ZEB2: variants seen among roughly 807,000 people sequenced by gnomAD.
ZEB2 encodes the protein zinc finger E-box binding homeobox 2.
ZEB2 carries 6 observed loss-of-function variants against 99.9 expected under a neutral mutation model. That is an observed-to-expected ratio of 0.06 (90% CI 0.03 to 0.12). The LOEUF is 0.12. Among genes scored for constraint, ZEB2 ranks in the 10% least tolerant of loss-of-function variants. ZEB2 has a pLI of 1.00. For missense variants in ZEB2, 969 were observed against 1,502.8 expected (o/e 0.64, Z 5.87); for synonymous variants, 517 against 542.5 (o/e 0.95, Z 0.65).
chr2:144,512,164 T>C (rs1310325830), intron 2 of ZEB2: 32 of 1,287,124 alleles, frequency 2.5e-5, no homozygotes, highest in Non-Finnish European at 3.1e-5. Context: ...ATCAATTGTC[T>C]GTGAGCATTG....
chr2:144,510,705 TC>T (rs1705020882), intron 2 of ZEB2, among the ~76,000 whole-genome samples: 28 of 152,224 alleles, frequency 1.8e-4, no homozygotes, highest in Admixed American at 1.5e-3. Flanking sequence ...TCTCTCTCTC[TC>T]TCTCTCTCTC....
chr2:144,489,270 G>A (rs1704643230), intron 2 of ZEB2, among the ~76,000 whole-genome samples: 2 of 152,266 alleles, frequency 1.3e-5, no homozygotes, highest in Non-Finnish European at 2.9e-5. Flanking sequence ...TAAATACAGT[G>A]GGCACACAAT....
chr2:144,424,610 T>C (rs552965243), intron 4 of ZEB2, among the ~76,000 whole-genome samples, 186 bp downstream of exon 4: 3 of 152,232 alleles, frequency 2.0e-5, no homozygotes, highest in Non-Finnish European at 4.4e-5. Flanking sequence ...GAATGAAAGA[T>C]GTATTTGCTT....
chr2:144,433,002 T>C (rs1703793343), intron 2 of ZEB2, among the ~76,000 whole-genome samples: 1 of 152,178 alleles, frequency 6.6e-6, no homozygotes, highest in African/African-American at 2.4e-5. Context: ...TTCTATTCAG[T>C]CCTTACAGGT....
At chr2:144,460,103 G>T (rs148819847) in intron 2 of ZEB2, among the ~76,000 whole-genome samples, 69 of 152,280 alleles carry the variant, frequency 4.5e-4, no homozygotes, top group African/African-American at 1.6e-3. Context: ...ATGTTATGAT[G>T]ATTTCATTCT....
At chr2:144,433,321 A>G (rs1703797610) in intron 2 of ZEB2, among the ~76,000 whole-genome samples, 1 of 152,206 alleles carries the variant, frequency 6.6e-6, no homozygotes, top group African/African-American at 2.4e-5. Flanking sequence ...AATTCTGTGT[A>G]ACAGTTGCAT....
At chr2:144,392,622 T>C (rs1468876190) in intron 9 of ZEB2, among the ~76,000 whole-genome samples, 2 of 152,248 alleles carry the variant, frequency 1.3e-5, no homozygotes, top group African/African-American at 4.8e-5. Context: ...TACCTTACAC[T>C]AAATAGTCTA....
chr2:144,395,164 T>C (rs2149874938), intron 9 of ZEB2, among the ~76,000 whole-genome samples: 1 of 151,936 alleles, frequency 6.6e-6, no homozygotes, highest in African/African-American at 2.4e-5. Flanking sequence ...TCCAGCTAAT[T>C]TTTAAAAAAT....
At chr2:144,468,702 C>A (rs1355193014) in intron 2 of ZEB2, among the ~76,000 whole-genome samples, 2 of 152,018 alleles carry the variant, frequency 1.3e-5, no homozygotes, top group Non-Finnish European at 2.9e-5. Context: ...AGGGCAAAGA[C>A]CAAATTCTTA....
At chr2:144,430,653 A>C (rs1041495913) in intron 2 of ZEB2, 3 of 170,464 alleles carry the variant, frequency 1.8e-5, no homozygotes, top group Non-Finnish European at 4.3e-5. Context: ...TGGGCCATTA[A>C]TACTACTATT....
chr2:144,410,131 G>A (rs765718583), intron 4 of ZEB2, among the ~76,000 whole-genome samples: 2 of 151,948 alleles, frequency 1.3e-5, no homozygotes, highest in Non-Finnish European at 2.9e-5. Context: ...GGATGGTCTC[G>A]ATCTCCTGAC....
At chr2:144,407,477 GC>G (rs760716681) in intron 4 of ZEB2, among the ~76,000 whole-genome samples, 38 of 152,184 alleles carry the variant, frequency 2.5e-4, no homozygotes, top group Non-Finnish European at 4.7e-4. Context: ...GCATCACTGA[GC>G]CCCTATGGAG....
intron 6 of ZEB2, 75 bp from the exon 7 acceptor site, chr2:144,401,382 G>C: frequency 6.8e-7 from 1 of 1,472,166 alleles, no homozygotes; most frequent in Non-Finnish European, 9.5e-7. Context: ...ATTTTTAAAA[G>C]GCCTCTGTTT....
At chr2:144,470,821 C>T (rs1040898362) in intron 2 of ZEB2, among the ~76,000 whole-genome samples, 1 of 152,168 alleles carries the variant, frequency 6.6e-6, no homozygotes, top group Non-Finnish European at 1.5e-5. Context: ...GACCCCTACA[C>T]TTTTCATTCT....
chr2:144,445,015 C>CA (rs1703964133), intron 2 of ZEB2: 1 of 152,172 alleles, frequency 6.6e-6, no homozygotes, highest in South Asian at 2.1e-4. Flanking sequence ...GCAAGACCAG[C>CA]AATTCTCACC....
intron 4 of ZEB2, among the ~76,000 whole-genome samples, chr2:144,409,771 C>T (rs1278411563): frequency 6.6e-6 from 1 of 152,046 alleles, no homozygotes; most frequent in Non-Finnish European, 1.5e-5. Context: ...TGCCTGTGGT[C>T]CCTGCTACTG....
intron 4 of ZEB2, among the ~76,000 whole-genome samples, chr2:144,409,383 A>G (rs1282000909): frequency 6.6e-6 from 1 of 152,136 alleles, no homozygotes; most frequent in Non-Finnish European, 1.5e-5. Flanking sequence ...ATGAGGTACA[A>G]AAGTAGCTGA....
intron 4 of ZEB2, among the ~76,000 whole-genome samples, chr2:144,411,472 A>G (rs1471463337): frequency 1.3e-5 from 2 of 152,184 alleles, no homozygotes; most frequent in Admixed American, 6.5e-5. Context: ...GCTTTTCATC[A>G]TTAAAAGTGC....
At chr2:144,494,883 T>C (rs1704738252) in intron 2 of ZEB2, 2 of 152,106 alleles carry the variant, frequency 1.3e-5, no homozygotes, top group Admixed American at 1.3e-4. Context: ...TAGAGATTGT[T>C]TTCAAAGTGA....
Sources: allele counts gnomAD v4.1 joint callset (sites outside exome capture counted in the v4.1 genomes callset), GRCh38; gene constraint gnomAD v4.1.1; transcripts MANE v1.5; gene names NCBI Gene and HGNC (gene_info 2026-07-23, HGNC 2026-07-21).